Variants in OSBPL10 observed in about 807,000 individuals in gnomAD.
OSBPL10 encodes the protein oxysterol-binding protein-related protein 10.
A neutral mutation model predicts 81.7 loss-of-function variants in OSBPL10; 49 were observed. That is an observed-to-expected ratio of 0.60 (90% CI 0.48 to 0.76). OSBPL10 has a LOEUF of 0.76. OSBPL10 is among the 30% of genes least tolerant of loss of function. The probability of loss-of-function intolerance (pLI) is 0.00; values close to 1 mark genes in which losing one functional copy is unlikely to be tolerated. For missense variants in OSBPL10, 923 were observed against 987.8 expected, an observed-to-expected ratio of 0.93 and a Z score of 0.88; for synonymous variants, 419 against 383.6, an observed-to-expected ratio of 1.09 and a Z score of -1.08.
chr3:32,059,457 G>T (rs1388369600), intron 1 of OSBPL10, among the ~76,000 whole-genome samples: 1 of 151,732 alleles, frequency 6.6e-6, no homozygotes, highest in African/African-American at 2.4e-5. Context: ...CAGGCGTGGT[G>T]GTGGGCACCT....
At chr3:31,969,082 CA>C (rs1278293226) in intron 1 of OSBPL10, among the ~76,000 whole-genome samples, 2 of 152,140 alleles carry the variant, frequency 1.3e-5, no homozygotes, top group Non-Finnish European at 1.5e-5. Flanking sequence ...CCAAGGGGAT[CA>C]AGAAGCCCAT....
intron 1 of OSBPL10, among the ~76,000 whole-genome samples, chr3:31,939,617 G>C (rs1402978622): frequency 6.6e-6 from 1 of 151,828 alleles, no homozygotes; most frequent in East Asian, 1.9e-4. Flanking sequence ...GCTACAGTCA[G>C]CAGCACACCA....
chr3:31,821,727 A>T (rs1354329727), intron 4 of OSBPL10, among the ~76,000 whole-genome samples: 1 of 152,224 alleles, frequency 6.6e-6, no homozygotes, highest in Non-Finnish European at 1.5e-5. Context: ...TTAAAAACTA[A>T]TCACTCTGTT....
intron 3 of OSBPL10, among the ~76,000 whole-genome samples, chr3:31,854,227 G>A (rs1043159105): frequency 5.9e-5 from 9 of 151,296 alleles, no homozygotes; most frequent in Admixed American, 5.3e-4. Context: ...AGGCCAAACT[G>A]ACCCCAGTGG....
intron 1 of OSBPL10, among the ~76,000 whole-genome samples, chr3:32,049,698 T>C (rs1432532192): frequency 6.6e-6 from 1 of 152,208 alleles, no homozygotes; most frequent in Non-Finnish European, 1.5e-5. Context: ...TCTCTGCTGA[T>C]GGCTATGAGT....
At chr3:31,821,161 C>T (rs568191356) in intron 4 of OSBPL10, among the ~76,000 whole-genome samples, 12 of 152,104 alleles carry the variant, frequency 7.9e-5, no homozygotes, top group African/African-American at 2.9e-4. Flanking sequence ...AGAGCATTCT[C>T]CTGCCAGGGC....
chr3:32,046,022 T>C (rs1699618886), intron 2 of OSBPL10: 1 of 152,264 alleles, frequency 6.6e-6, no homozygotes, highest in African/African-American at 2.4e-5. Context: ...TTGTTTGTCC[T>C]GAATCTACTT....
chr3:31,680,672 C>A (rs974628917), intron 8 of OSBPL10, among the ~76,000 whole-genome samples: 1 of 152,188 alleles, frequency 6.6e-6, no homozygotes, highest in Admixed American at 6.5e-5. Flanking sequence ...TGGAGATACT[C>A]GGGCTGGAGT....
intron 4 of OSBPL10, among the ~76,000 whole-genome samples, chr3:31,787,246 T>C (rs1479471456): frequency 1.3e-5 from 2 of 152,172 alleles, no homozygotes; most frequent in Non-Finnish European, 2.9e-5. Flanking sequence ...TTCAGGGGTA[T>C]TTGTGGATTG....
intron 6 of OSBPL10, 59 bp from the exon 7 acceptor site, chr3:31,702,567 T>A (rs1179054194): frequency 6.9e-6 from 11 of 1,602,274 alleles, no homozygotes; most frequent in Non-Finnish European, 8.5e-6. Flanking sequence ...AGAAATAAAG[T>A]GTATGAATTC....
rs916879612 is a variant in OSBPL10 at position 31,857,395 on chromosome 3, G to A, written c.537+19038C>T. 3.3e-5 allele frequency among the ~76,000 whole-genome samples: 5 copies of A among 152,174 alleles called. No individual in the cohort carries two copies. The South Asian group carries it at 1.0e-3, about 32-fold the overall frequency. On this transcript the variant is annotated intron_variant, in intron 3 of 11. Coordinates refer to ENST00000396556, the MANE Select transcript of OSBPL10 (RefSeq NM_017784.5). The stretch of plus-strand genomic sequence containing the variant: ...GAACTGGCAGGAATTTGGAATTACT[G>A]AACATCTTCAAGGACATTAGATGTT...
chr3:31,715,900 A>G (rs1696415810), intron 6 of OSBPL10, among the ~76,000 whole-genome samples: 1 of 152,196 alleles, frequency 6.6e-6, no homozygotes, highest in South Asian at 2.1e-4. Context: ...CACATCAGTG[A>G]TTCTTTCGGA....
At chr3:31,859,073 G>A (rs1700998233) in intron 3 of OSBPL10, among the ~76,000 whole-genome samples, 1 of 152,210 alleles carries the variant, frequency 6.6e-6, no homozygotes, top group South Asian at 2.1e-4. Flanking sequence ...TGAAAACTGA[G>A]GCTAAGAGAC....
intron 1 of OSBPL10, among the ~76,000 whole-genome samples, chr3:31,912,444 G>A (rs1324486075): frequency 6.6e-6 from 1 of 151,976 alleles, no homozygotes; most frequent in Non-Finnish European, 1.5e-5. Context: ...GGGGTCGGGG[G>A]GCGGACATTA....
chr3:31,733,558 G>A (rs1697040987), intron 5 of OSBPL10, 147 bp from the exon 6 acceptor site: 2 of 876,702 alleles, frequency 2.3e-6, no homozygotes, highest in Admixed American at 4.5e-5. Flanking sequence ...GAAGTACCAA[G>A]TGCAGATTCT....
At chr3:31,820,787 T>TAA (rs1699965228) in intron 4 of OSBPL10, among the ~76,000 whole-genome samples, 1 of 152,084 alleles carries the variant, frequency 6.6e-6, no homozygotes, top group East Asian at 1.9e-4. Flanking sequence ...CCTAAGGAGA[T>TAA]GGTGCAAGGT....
intron 1 of OSBPL10, among the ~76,000 whole-genome samples, chr3:31,979,225 G>C (rs556686418): frequency 5.9e-5 from 9 of 152,270 alleles, no homozygotes; most frequent in Non-Finnish European, 1.0e-4. Context: ...CGAATTGAAA[G>C]GGGAAGGGAG....
chr3:31,662,649 C>G, intron 11 of OSBPL10: 8 of 986,706 alleles, frequency 8.1e-6, no homozygotes, highest in Non-Finnish European at 8.4e-6. Context: ...CTAGAAGGCA[C>G]TATACTGAAT....
chr3:31,708,015 G>T (rs1160763281), intron 6 of OSBPL10, among the ~76,000 whole-genome samples: 1 of 152,152 alleles, frequency 6.6e-6, no homozygotes, highest in Non-Finnish European at 1.5e-5. Flanking sequence ...TTACAGAAGA[G>T]AAACAAAGGG....
Sources: allele counts gnomAD v4.1 joint callset (sites outside exome capture counted in the v4.1 genomes callset), GRCh38; gene constraint gnomAD v4.1.1; transcripts MANE v1.5; gene names NCBI Gene and HGNC (gene_info 2026-07-23, HGNC 2026-07-21).